Variants in UBP1 observed in about 807,000 individuals in gnomAD.
The protein encoded by UBP1 is upstream-binding protein 1.
UBP1 carries 22 observed loss-of-function variants against 76.1 expected under a neutral mutation model. That is an observed-to-expected ratio of 0.29 (90% CI 0.21 to 0.41). The LOEUF is 0.41. UBP1 is among the 10% of genes least tolerant of loss of function. UBP1 has a pLI of 1.00. For synonymous variants in UBP1, 224 were observed against 237.1 expected, an observed-to-expected ratio of 0.94 and a Z score of 0.51; for missense variants, 436 against 668.1, an observed-to-expected ratio of 0.65 and a Z score of 3.83.
At chr3:33,425,811 GA>G in intron 1 of UBP1, 70 bp from the exon 2 acceptor site, 1 of 1,385,344 alleles carries the variant, frequency 7.2e-7, no homozygotes, top group Non-Finnish European at 9.8e-7. Context: ...ATATCATCCT[GA>G]ATGCACCCAA....
chr3:33,418,756 A>G (rs564329769), intron 2 of UBP1, among the ~76,000 whole-genome samples: 6 of 151,220 alleles, frequency 4.0e-5, no homozygotes, highest in South Asian at 4.2e-4. Flanking sequence ...CTACTTGGGA[A>G]GCTGAGGCAG....
Position 33,400,270 on chromosome 3 carries a change from A to T in UBP1, c.1099T>A (p.Ser367Thr). The change falls in exon 11 of 16, where the codon TCA becomes ACA. Residue 367 changes from serine (S) to threonine (T), a missense_variant. Transcript: ENST00000283629. ...SQTSGEQIQP[S>T]ATIQETQQWL... ...TGCTGTGTTTCCTGGATCGTAGCTG[A>T]AGGCTGAATTTGCTATTAACAATGA... is the stretch of plus-strand genomic sequence containing the variant. 1.2e-6 allele frequency: 2 copies of T among 1,600,512 alleles called. No homozygotes were observed. The highest frequency in any genetic ancestry group is 2.3e-5 in the South Asian group (2 of 87,588).
intron 5 of UBP1, among the ~76,000 whole-genome samples, chr3:33,411,237 G>A (rs982373050): frequency 6.6e-6 from 1 of 152,146 alleles, no homozygotes; most frequent in Admixed American, 6.5e-5. Context: ...AATAATGCTA[G>A]AAGGAATTTT....
In UBP1 at chr3:33,411,702, G is replaced by T; in HGVS notation, c.449-15C>A. On this transcript the variant is annotated splice_polypyrimidine_tract_variant and intron_variant, in intron 4 of 15. Transcript: ENST00000283629. ...CATTGGAATATCTATGTTTTAAAAA[G>T]AAGTTACATAAAAACATCCACTTTA... 1 of 1,600,504 alleles carries T rather than the reference G, an allele frequency of 6.2e-7. No individual in the cohort carries two copies. Among genetic ancestry groups the T allele is most frequent in the Non-Finnish European group, 8.6e-7 (1 of 1,168,298 alleles).
At chr3:33,433,351 G>A (rs1415223107) in intron 1 of UBP1, among the ~76,000 whole-genome samples, 4 of 125,976 alleles carry the variant, frequency 3.2e-5, no homozygotes, top group African/African-American at 9.6e-5. Context: ...GTGAGCCACC[G>A]CGCACCCAGC....
chr3:33,441,012 C>T (rs1201603510), upstream of UBP1: 1 of 152,244 alleles, frequency 6.6e-6, no homozygotes, highest in Non-Finnish European at 1.5e-5. Context: ...TCTGGAAAGA[C>T]TTCCCCTATT....
chr3:33,439,245 GCT>G (rs2045248736), intron 1 of UBP1, among the ~76,000 whole-genome samples: 1 of 152,206 alleles, frequency 6.6e-6, no homozygotes, highest in African/African-American at 2.4e-5. Flanking sequence ...TCCCACCGCT[GCT>G]CTTTCAATTA....
chr3:33,411,124 T>A (rs1222731271), intron 5 of UBP1, among the ~76,000 whole-genome samples: 1 of 150,620 alleles, frequency 6.6e-6, no homozygotes, highest in East Asian at 1.9e-4. Context: ...GGGCGGAAAC[T>A]ACTAAAAACT....
chr3:33,396,726 T>TA (rs1273757836), intron 12 of UBP1: 2 of 542,474 alleles, frequency 3.7e-6, no homozygotes, highest in Non-Finnish European at 7.0e-6. Flanking sequence ...TTGAAAACCA[T>TA]AGATTCTGTA....
At chr3:33,411,130 A>G (rs1348048744) in intron 5 of UBP1, among the ~76,000 whole-genome samples, 4 of 152,128 alleles carry the variant, frequency 2.6e-5, no homozygotes, top group African/African-American at 9.7e-5. Context: ...AAACTACTAA[A>G]AACTGCTAAA....
In UBP1 at chr3:33,392,607, T is replaced by C; in HGVS notation, c.1541A>G (p.Gln514Arg). ...IHILVSDQMV[Q>R]NFQDESCFLF... is the part of the protein sequence containing the mutation. Reference sequence around the variant, plus strand: ...AAAACAACTCTCATCTTGAAAATTCTGAACCATCTGGAAGGATAAAGTAAA... The same window carrying C: ...AAAACAACTCTCATCTTGAAAATTCCGAACCATCTGGAAGGATAAAGTAAA... Residue 514 changes from glutamine (Q) to arginine (R), a missense_variant, in exon 15 of 16, where the codon CAG (glutamine) becomes CGG (arginine). This residue lies in a region of UBP1 where 210 missense variants were observed against 272.8 expected (regional missense o/e 0.77). Coordinates refer to ENST00000283629, the MANE Select transcript of UBP1 (RefSeq NM_014517.5). The C allele has an allele frequency of 6.2e-7, 1 of 1,612,074 alleles. No individual in the cohort carries two copies. The highest frequency in any genetic ancestry group is 8.5e-7 in the Non-Finnish European group (1 of 1,179,258).
intron 5 of UBP1, among the ~76,000 whole-genome samples, chr3:33,410,328 T>G (rs1419552920): frequency 6.6e-6 from 1 of 152,208 alleles, no homozygotes; most frequent in Non-Finnish European, 1.5e-5. Context: ...GACTCACTAT[T>G]AAAACTGATC....
rs1249346262 is a variant in UBP1 at position 33,400,180 on chromosome 3, T to C, written c.1180+9A>G. The C allele has an allele frequency of 7.7e-6, 12 of 1,558,120 alleles. No homozygotes were observed. The highest frequency in any genetic ancestry group is 4.2e-5 in the African/African-American group (3 of 71,752). ...TCTCATGCACAGATACACACACACA[T>C]ACACATACCTGAAAAATTAGAGAAC... is the stretch of plus-strand genomic sequence containing the variant. On this transcript the variant is annotated intron_variant, in intron 11 of 15. Transcript: ENST00000283629.
At chr3:33,433,676 C>G (rs1233394534) in intron 1 of UBP1, among the ~76,000 whole-genome samples, 2 of 151,444 alleles carry the variant, frequency 1.3e-5, no homozygotes, top group South Asian at 2.1e-4. Flanking sequence ...ACTCTACCAC[C>G]AAAGGCTGAC....
intron 1 of UBP1, among the ~76,000 whole-genome samples, chr3:33,439,519 G>C (rs2045255270): frequency 6.6e-6 from 1 of 152,210 alleles, no homozygotes; most frequent in African/African-American, 2.4e-5. Flanking sequence ...GTCCGAGGCC[G>C]ACGCTTGCGG....
At chr3:33,427,160 T>TC (rs984350844) in intron 1 of UBP1, among the ~76,000 whole-genome samples, 88 of 152,322 alleles carry the variant, frequency 5.8e-4, no homozygotes, top group African/African-American at 1.9e-3. Context: ...AGACAGGGTT[T>TC]CGCCATGTAG....
chr3:33,431,681 A>G (rs1014006131), intron 1 of UBP1, among the ~76,000 whole-genome samples: 4 of 151,694 alleles, frequency 2.6e-5, no homozygotes, highest in African/African-American at 9.7e-5. Context: ...CAGAGGTTGC[A>G]GTAAGCCAAG....
At chr3:33,427,257 G>T (rs1411760656) in intron 1 of UBP1, among the ~76,000 whole-genome samples, 1 of 152,100 alleles carries the variant, frequency 6.6e-6, no homozygotes, top group Non-Finnish European at 1.5e-5. Context: ...GAGCCATCAC[G>T]CCCCGCCTCT....
At chr3:33,394,618 G>C (rs897991742) in intron 13 of UBP1, among the ~76,000 whole-genome samples, 3 of 152,050 alleles carry the variant, frequency 2.0e-5, no homozygotes. Flanking sequence ...CTCAATTACT[G>C]ATTAAAGCCA....
Sources: allele counts gnomAD v4.1 joint callset (sites outside exome capture counted in the v4.1 genomes callset), GRCh38; gene constraint gnomAD v4.1.1; regional missense constraint gnomAD v4.1.1; transcripts MANE v1.5; gene names NCBI Gene and HGNC (gene_info 2026-07-23, HGNC 2026-07-21).